Variants in RELN observed in about 807,000 individuals in gnomAD.
RELN encodes reelin.
A neutral mutation model predicts 427.6 loss-of-function variants in RELN; 108 were observed. That is an observed-to-expected ratio of 0.25 (90% CI 0.22 to 0.30). The LOEUF (loss-of-function observed/expected upper bound fraction) is 0.30. RELN is among the 10% of genes least tolerant of loss of function. The pLI is 1.00. For synonymous variants in RELN, 1,524 were observed against 1,513.4 expected (o/e 1.01, Z -0.16); for missense variants, 3,715 against 4,302.8 (o/e 0.86, Z 3.82).
At chr7:103,933,782 A>G (rs1795916306) in intron 1 of RELN, among the ~76,000 whole-genome samples, 1 of 152,144 alleles carries the variant, frequency 6.6e-6, no homozygotes. Context: ...TGGAAAGGCT[A>G]ACTTTCCAGA....
chr7:103,765,873 G>C (rs975475482), intron 4 of RELN, among the ~76,000 whole-genome samples: 2 of 152,186 alleles, frequency 1.3e-5, no homozygotes, highest in African/African-American at 4.8e-5. Flanking sequence ...CACTGAAAAA[G>C]AAGGCTGTTT....
chr7:103,872,904 T>A (rs1057439563), intron 2 of RELN, among the ~76,000 whole-genome samples: 11 of 151,834 alleles, frequency 7.2e-5, no homozygotes, highest in African/African-American at 2.7e-4. Flanking sequence ...CACTTTTTGA[T>A]GGGGTTGTTT....
intron 3 of RELN, 122 bp downstream of exon 3, chr7:103,833,415 T>C: frequency 2.0e-6 from 2 of 996,986 alleles, no homozygotes; most frequent in African/African-American, 1.6e-5. Flanking sequence ...ACAAAATTAG[T>C]GATTTTAATT....
chr7:103,677,359 A>C (rs1005720738), intron 11 of RELN, among the ~76,000 whole-genome samples: 2 of 150,784 alleles, frequency 1.3e-5, no homozygotes, highest in Non-Finnish European at 3.0e-5. Flanking sequence ...GTGTGTACCT[A>C]TGTAACAAAC....
At chr7:103,562,439 C>T (rs928305172) in intron 34 of RELN, among the ~76,000 whole-genome samples, 4 of 152,174 alleles carry the variant, frequency 2.6e-5, no homozygotes, top group Non-Finnish European at 5.9e-5. Context: ...CTTCTGCACT[C>T]TACTTTGGTT....
intron 46 of RELN, among the ~76,000 whole-genome samples, chr7:103,532,092 A>G (rs111932961): frequency 0.016 from 2,397 of 151,852 alleles, 68 homozygotes; most frequent in African/African-American, 0.055. Context: ...CATATACACC[A>G]TGGAATACTA....
At chr7:103,648,393 T>C (rs1019100535) in intron 16 of RELN, among the ~76,000 whole-genome samples, 2 of 152,092 alleles carry the variant, frequency 1.3e-5, no homozygotes, top group African/African-American at 2.4e-5. Context: ...ATGCTTTCTG[T>C]ACAGCCCATG....
intron 50 of RELN, chr7:103,512,890 A>G (rs1021812283): frequency 2.6e-5 from 4 of 152,344 alleles, no homozygotes; most frequent in African/African-American, 9.6e-5. Flanking sequence ...GAGGATCCAG[A>G]GAAAAGACCA....
intron 8 of RELN, among the ~76,000 whole-genome samples, chr7:103,718,764 C>A (rs1413930743): frequency 6.6e-6 from 1 of 152,148 alleles, no homozygotes; most frequent in Non-Finnish European, 1.5e-5. Flanking sequence ...CTGTGATGGA[C>A]AAGATAGATT....
intron 45 of RELN, among the ~76,000 whole-genome samples, chr7:103,537,072 T>C (rs1830068759): frequency 6.6e-6 from 1 of 152,222 alleles, no homozygotes; most frequent in African/African-American, 2.4e-5. Context: ...ACTTTTACAC[T>C]GGTTTTCTGG....
chr7:103,601,908 G>A (rs1440620246), intron 24 of RELN, among the ~76,000 whole-genome samples: 2 of 152,102 alleles, frequency 1.3e-5, no homozygotes. Context: ...GCTACCACTA[G>A]GGAAGCTGAC....
intron 2 of RELN, among the ~76,000 whole-genome samples, chr7:103,912,439 C>T (rs1351077930): frequency 6.6e-6 from 1 of 152,108 alleles, no homozygotes; most frequent in Non-Finnish European, 1.5e-5. Context: ...CCCACTTGGC[C>T]TCCCAAAGTG....
chr7:103,769,382 T>G (rs1791508951), intron 4 of RELN, among the ~76,000 whole-genome samples: 1 of 152,092 alleles, frequency 6.6e-6, no homozygotes, highest in African/African-American at 2.4e-5. Context: ...ATTCCTCCTC[T>G]TAGGAGGATA....
rs563538681 is a variant in RELN, at chr7:103,731,422, T to C, written c.657-3215A>G. The stretch of plus-strand genomic sequence containing the variant: ...CAAAGGCTTCATGTGCTGTTTACCA[T>C]GTGATAGGTGCTGACAGAAGCTCTA... On this transcript the variant is annotated intron_variant, in intron 6 of 64. Coordinates refer to ENST00000428762, the MANE Select transcript of RELN (RefSeq NM_005045.4). Among the ~76,000 whole-genome samples, 38 of 152,228 alleles carry C rather than the reference T, an allele frequency of 2.5e-4. No individual in the cohort carries two copies. In the South Asian group the frequency reaches 7.7e-3, roughly 31 times the overall value.
At chr7:103,582,584 A>G (rs1454570402) in intron 28 of RELN, among the ~76,000 whole-genome samples, 1 of 152,214 alleles carries the variant, frequency 6.6e-6, no homozygotes, top group Non-Finnish European at 1.5e-5. Flanking sequence ...ATCCTTAACC[A>G]AAGAAATTCC....
intron 10 of RELN, among the ~76,000 whole-genome samples, chr7:103,691,357 C>G (rs1304427866): frequency 6.6e-6 from 1 of 152,050 alleles, no homozygotes; most frequent in African/African-American, 2.4e-5. Context: ...AAAGAAATAT[C>G]TAAAGAAGAC....
chr7:103,854,732 A>G (rs925562517), intron 2 of RELN, among the ~76,000 whole-genome samples: 1 of 152,214 alleles, frequency 6.6e-6, no homozygotes, highest in Non-Finnish European at 1.5e-5. Flanking sequence ...GTACCCTTCA[A>G]GGGAACAAAG....
chr7:103,833,523 CT>C lies in RELN; in HGVS notation c.473+13del. 6.2e-7 allele frequency: 1 copy of C among 1,612,970 alleles called. No individual in the cohort carries two copies. The highest frequency in any genetic ancestry group is 8.5e-7 in the Non-Finnish European group (1 of 1,178,988). On this transcript the variant is annotated intron_variant, in intron 3 of 64. Coordinates refer to ENST00000428762, the MANE Select transcript of RELN (RefSeq NM_005045.4). The stretch of plus-strand genomic sequence containing the variant: ...TTGCCTTCTGTACGTATGGCAGACA[CT>C]TTGGGTACTTACATGAAATTCACAC...
chr7:103,728,924 A>C (rs1345555752), intron 6 of RELN, among the ~76,000 whole-genome samples: 1 of 152,194 alleles, frequency 6.6e-6, no homozygotes, highest in Non-Finnish European at 1.5e-5. Context: ...TAACGGAATT[A>C]GCTCCTATCT....
Sources: gnomAD v4.1 joint callset for allele counts (sites outside exome capture counted in the v4.1 genomes callset) on GRCh38, gnomAD v4.1.1 for gene constraint, MANE v1.5 for transcripts, NCBI Gene and HGNC (gene_info 2026-07-23, HGNC 2026-07-21) for gene names.